GPHN: variants seen among roughly 807,000 people sequenced by gnomAD.
GPHN encodes gephyrin.
A neutral mutation model predicts 95.5 loss-of-function variants in GPHN; 17 were observed. That is an observed-to-expected ratio of 0.18 (90% CI 0.12 to 0.27). The LOEUF (loss-of-function observed/expected upper bound fraction) is 0.27, where lower values mean the gene tolerates loss of function less well. Ranked by LOEUF, GPHN falls within the 10% of genes least tolerant of loss-of-function variation. The pLI, the probability that GPHN is intolerant of heterozygous loss-of-function variation, is 1.00. For synonymous variants in GPHN, 320 were observed against 322.5 expected (o/e 0.99, Z 0.08); for missense variants, 660 against 978.1 (o/e 0.67, Z 4.34).
the GPHN span, among the ~76,000 whole-genome samples, chr14:67,233,533 G>C: frequency 6.6e-6 from 1 of 152,190 alleles, no homozygotes; most frequent in African/African-American, 2.4e-5. Flanking sequence ...TCTACTGACA[G>C]GTTTTACAAG....
rs1258366704 is a variant in GPHN, at chr14:67,023,646, G to A, written c.977G>A (p.Cys326Tyr). Reference protein sequence around the residue: ...SCPTPKVQSRCSSKENILRAS... With the variant: ...SCPTPKVQSRYSSKENILRAS... The stretch of plus-strand genomic sequence containing the variant: ...CTCTTTCTACAGGTCCAGTCCAGGT[G>A]CAGCAGCAAGGAGAACATTCTCAGA... The change falls in exon 10 of 23, where the codon TGC (cysteine) becomes TAC (tyrosine). Residue 326 changes from cysteine (C) to tyrosine (Y), a missense_variant. Physicochemically the swap from Cys to Tyr is radical, Grantham distance 194 (BLOSUM62 -2). This residue lies in a region of GPHN where 190 missense variants were observed against 224.7 expected (regional missense o/e 0.85). Coordinates refer to ENST00000478722, the MANE Select transcript of GPHN (RefSeq NM_020806.5). 6.2e-7 allele frequency: 1 copy of A among 1,613,166 alleles called. No individual in the cohort carries two copies. Among genetic ancestry groups the A allele is most frequent in the African/African-American group, 1.3e-5 (1 of 74,844 alleles).
chr14:67,212,613 A>G, the GPHN span, among the ~76,000 whole-genome samples: 1 of 145,378 alleles, frequency 6.9e-6, no homozygotes, highest in African/African-American at 2.5e-5. Context: ...ATATATATAT[A>G]TGTAATATAT....
At chr14:67,569,158 G>A in the GPHN span, 2 of 1,612,260 alleles carry the variant, frequency 1.2e-6, no homozygotes, top group Non-Finnish European at 1.7e-6. Flanking sequence ...TCTATGCTGT[G>A]GCCACATCGG....
At chr14:66,683,222 C>G (rs1291345684) in intron 2 of GPHN, among the ~76,000 whole-genome samples, 1 of 148,094 alleles carries the variant, frequency 6.8e-6, no homozygotes, top group African/African-American at 2.5e-5. Flanking sequence ...GGAATTTTTT[C>G]TTTATTAAGA....
chr14:67,244,468 T>G, the GPHN span, among the ~76,000 whole-genome samples: 9 of 152,256 alleles, frequency 5.9e-5, no homozygotes, highest in African/African-American at 1.7e-4. Context: ...ATATAATTGC[T>G]TCTTTTCTTT....
At chr14:67,352,024 C>T in the GPHN span, among the ~76,000 whole-genome samples, 23,414 of 151,532 alleles carry the variant, frequency 0.15, 3,426 homozygotes, top group East Asian at 0.42. Flanking sequence ...GTGGCTAACA[C>T]CTGTAATCCC....
the GPHN span, among the ~76,000 whole-genome samples, chr14:67,552,865 C>T: frequency 6.6e-6 from 1 of 151,952 alleles, no homozygotes; most frequent in African/African-American, 2.4e-5. Context: ...GGGAGGATAC[C>T]CCAGGGGAGA....
the GPHN span, chr14:67,662,538 A>G: frequency 6.2e-7 from 1 of 1,608,236 alleles, no homozygotes; most frequent in Non-Finnish European, 8.5e-7. Flanking sequence ...CTTTTCTTCT[A>G]GAAAAGATAG....
intron 11 of GPHN, among the ~76,000 whole-genome samples, chr14:67,082,785 C>T (rs1319237801): frequency 3.3e-5 from 5 of 152,090 alleles, no homozygotes; most frequent in Admixed American, 6.6e-5. Flanking sequence ...CTTCTTTCAG[C>T]AATGTTTAGT....
the GPHN span, among the ~76,000 whole-genome samples, chr14:67,197,645 AGT>A: frequency 1.7e-3 from 266 of 152,302 alleles, 1 homozygote; most frequent in Middle Eastern, 6.8e-3. Flanking sequence ...ATGGGTGAAT[AGT>A]CTGGAAAAAG....
chr14:67,171,607 A>T (rs2082602696), intron 21 of GPHN, among the ~76,000 whole-genome samples: 1 of 152,160 alleles, frequency 6.6e-6, no homozygotes, highest in Non-Finnish European at 1.5e-5. Flanking sequence ...GAAAAGGGGG[A>T]AAGCATGTTC....
At chr14:66,562,085 C>T (rs894637405) in intron 1 of GPHN, among the ~76,000 whole-genome samples, 3 of 152,088 alleles carry the variant, frequency 2.0e-5, no homozygotes, top group African/African-American at 7.2e-5. Flanking sequence ...ACAGATAATC[C>T]AAGATAATCT....
At chr14:67,187,672 T>C in the GPHN span, among the ~76,000 whole-genome samples, 2 of 152,318 alleles carry the variant, frequency 1.3e-5, no homozygotes, top group Non-Finnish European at 2.9e-5. Context: ...TTCCGTGAAC[T>C]TCATTTTCTT....
intron 1 of GPHN, among the ~76,000 whole-genome samples, chr14:66,540,156 C>T (rs1361681072): frequency 6.6e-6 from 1 of 152,176 alleles, no homozygotes; most frequent in Non-Finnish European, 1.5e-5. Context: ...TCTGCTCGTG[C>T]TCCACATATC....
At chr14:66,700,965 T>C (rs1444638656) in intron 2 of GPHN, among the ~76,000 whole-genome samples, 3 of 152,198 alleles carry the variant, frequency 2.0e-5, no homozygotes, top group African/African-American at 7.2e-5. Context: ...ATTTCAGTTA[T>C]ATCACAACTA....
chr14:67,374,131 A>G, the GPHN span, among the ~76,000 whole-genome samples: 5 of 152,202 alleles, frequency 3.3e-5, no homozygotes, highest in African/African-American at 7.2e-5. Context: ...CAAATCCAAA[A>G]TGCTCCAAAA....
chr14:67,651,597 C>CAT, the GPHN span: 1 of 1,140,554 alleles, frequency 8.8e-7, no homozygotes, highest in Non-Finnish European at 1.2e-6. Context: ...TGTTTGATCA[C>CAT]ACAGCCACTT....
At chr14:66,701,197 A>C (rs2068521045) in intron 2 of GPHN, among the ~76,000 whole-genome samples, 1 of 152,246 alleles carries the variant, frequency 6.6e-6, no homozygotes, top group African/African-American at 2.4e-5. Flanking sequence ...CAATATGTAC[A>C]TATTACACAT....
chr14:66,857,250 T>C (rs111970386), intron 4 of GPHN, among the ~76,000 whole-genome samples: 79 of 151,580 alleles, frequency 5.2e-4, no homozygotes, highest in African/African-American at 1.6e-3. Flanking sequence ...AAGGAAAAAA[T>C]AGAAAGAATA....
Sources: gnomAD v4.1 joint callset for allele counts (sites outside exome capture counted in the v4.1 genomes callset) on GRCh38, gnomAD v4.1.1 for gene constraint, gnomAD v4.1.1 regional missense constraint, MANE v1.5 for transcripts, NCBI Gene and HGNC (gene_info 2026-07-23, HGNC 2026-07-21) for gene names.